MACROD2: variants seen among roughly 807,000 people sequenced by gnomAD.
The protein encoded by MACROD2 is ADP-ribose glycohydrolase MACROD2.
A neutral mutation model predicts 70.4 loss-of-function variants in MACROD2; 36 were observed. The ratio of observed to expected loss-of-function variants is 0.51; its 90% CI spans 0.39 to 0.68. The LOEUF is 0.68. MACROD2 is among the 30% of genes least tolerant of loss of function. MACROD2 has a pLI of 0.00. For synonymous variants in MACROD2, 172 were observed against 178.8 expected, an observed-to-expected ratio of 0.96 and a Z score of 0.30; for missense variants, 496 against 538.4, an observed-to-expected ratio of 0.92 and a Z score of 0.78.
chr20:14,999,847 G>A (rs2074979198), intron 5 of MACROD2, among the ~76,000 whole-genome samples: 1 of 152,142 alleles, frequency 6.6e-6, no homozygotes, highest in Admixed American at 6.6e-5. Flanking sequence ...CAATGCAAAG[G>A]CATGAACAAA....
chr20:15,942,395 T>G (rs1156604508), intron 12 of MACROD2, among the ~76,000 whole-genome samples: 1 of 152,204 alleles, frequency 6.6e-6, no homozygotes, highest in African/African-American at 2.4e-5. Flanking sequence ...CAACCAGGAT[T>G]GAATTGAAAT....
At chr20:14,228,431 G>A (rs1274614414) in intron 3 of MACROD2, among the ~76,000 whole-genome samples, 1 of 150,598 alleles carries the variant, frequency 6.6e-6, no homozygotes, top group Non-Finnish European at 1.5e-5. Context: ...TCCATCTCCC[G>A]GGTTCACGCC....
At chr20:14,170,808 T>A (rs191016383) in intron 3 of MACROD2, among the ~76,000 whole-genome samples, 9 of 152,302 alleles carry the variant, frequency 5.9e-5, no homozygotes, top group African/African-American at 2.2e-4. Context: ...TTAGTTTTCC[T>A]TTTTTTATTA....
At chr20:15,922,482 C>G (rs1159267974) in intron 10 of MACROD2, among the ~76,000 whole-genome samples, 1 of 152,188 alleles carries the variant, frequency 6.6e-6, no homozygotes, top group Non-Finnish European at 1.5e-5. Flanking sequence ...TAGCACATCT[C>G]AATGTGGACT....
chr20:15,087,549 A>G (rs753640434), intron 5 of MACROD2, among the ~76,000 whole-genome samples: 3 of 152,066 alleles, frequency 2.0e-5, no homozygotes, highest in Non-Finnish European at 2.9e-5. Flanking sequence ...GTCTTGCCTC[A>G]TATCAGAGAT....
intron 8 of MACROD2, among the ~76,000 whole-genome samples, chr20:15,823,319 T>TATGC (rs2063961517): frequency 6.6e-6 from 1 of 151,686 alleles, no homozygotes; most frequent in African/African-American, 2.4e-5. Flanking sequence ...TGTGTGTGTG[T>TATGC]GTCTATAGCT....
At chr20:14,864,388 C>T (rs759387927) in intron 5 of MACROD2, among the ~76,000 whole-genome samples, 2 of 151,980 alleles carry the variant, frequency 1.3e-5, no homozygotes, top group Non-Finnish European at 2.9e-5. Context: ...GTTACAAGTC[C>T]TATGATAGCT....
At chr20:15,188,647 TGA>T (rs1486846241) in intron 5 of MACROD2, among the ~76,000 whole-genome samples, 1 of 152,230 alleles carries the variant, frequency 6.6e-6, no homozygotes, top group Non-Finnish European at 1.5e-5. Context: ...TTTATTATTC[TGA>T]GAGACTCAGG....
intron 5 of MACROD2, among the ~76,000 whole-genome samples, chr20:15,087,204 C>G (rs2075755550): frequency 6.6e-6 from 1 of 151,898 alleles, no homozygotes; most frequent in Non-Finnish European, 1.5e-5. Context: ...ATTCAATTAA[C>G]AGAATTAAAT....
intron 5 of MACROD2, among the ~76,000 whole-genome samples, chr20:14,975,201 T>C (rs1195126335): frequency 2.0e-5 from 3 of 151,938 alleles, no homozygotes; most frequent in Non-Finnish European, 4.4e-5. Context: ...TCACCCTTAG[T>C]TGAGAACCAC....
chr20:15,378,248 C>T (rs6131668), intron 6 of MACROD2, among the ~76,000 whole-genome samples: 1 of 130,028 alleles, frequency 7.7e-6, no homozygotes, highest in African/African-American at 2.8e-5. Context: ...GAAAGGCTTT[C>T]TAACTATAAC....
intron 6 of MACROD2, among the ~76,000 whole-genome samples, chr20:15,232,786 A>G (rs1218471280): frequency 6.6e-6 from 1 of 152,112 alleles, no homozygotes; most frequent in African/African-American, 2.4e-5. Context: ...AATATTTGAT[A>G]GGCACCACTT....
chr20:14,567,686 A>G (rs1157854537), intron 4 of MACROD2, among the ~76,000 whole-genome samples: 1 of 152,058 alleles, frequency 6.6e-6, no homozygotes, highest in Non-Finnish European at 1.5e-5. Context: ...ACAATTTTTG[A>G]AAGCCTGTTT....
chr20:15,552,100 G>A (rs2048107464), intron 8 of MACROD2: 1 of 152,106 alleles, frequency 6.6e-6, no homozygotes, highest in Non-Finnish European at 1.5e-5. Context: ...AGTATATGGA[G>A]TAGGAACACA....
At chr20:14,478,458 T>G (rs960523579) in intron 3 of MACROD2, among the ~76,000 whole-genome samples, 2 of 152,242 alleles carry the variant, frequency 1.3e-5, no homozygotes, top group African/African-American at 4.8e-5. Flanking sequence ...TCTGGCTGCT[T>G]TCAAGCTTTT....
chr20:14,207,412 T>C (rs2081533772), intron 3 of MACROD2, among the ~76,000 whole-genome samples: 2 of 152,286 alleles, frequency 1.3e-5, no homozygotes, highest in Middle Eastern at 3.4e-3. Context: ...AAATGACACT[T>C]CTTGACTGAC....
At chr20:14,230,654 T>TATATAAAAAAAA in intron 3 of MACROD2, among the ~76,000 whole-genome samples, 1 of 74,240 alleles carries the variant, frequency 1.3e-5, no homozygotes, top group East Asian at 5.8e-4. Context: ...TATATATATA[T>TATATAAAAAAAA]AACACAGGCT....
intron 5 of MACROD2, among the ~76,000 whole-genome samples, chr20:14,978,849 T>TTATA (rs975670183): frequency 2.1e-5 from 3 of 145,408 alleles, no homozygotes; most frequent in Non-Finnish European, 4.5e-5. Flanking sequence ...GAGGGTATTA[T>TTATA]TATATATATA....
intron 9 of MACROD2, among the ~76,000 whole-genome samples, chr20:15,869,578 A>G (rs1443361551): frequency 6.6e-6 from 1 of 151,986 alleles, no homozygotes; most frequent in Non-Finnish European, 1.5e-5. Context: ...CTTAAAAATG[A>G]GCTTGCAAAA....
Sources: allele counts gnomAD v4.1 joint callset (sites outside exome capture counted in the v4.1 genomes callset), GRCh38; gene constraint gnomAD v4.1.1; transcripts MANE v1.5; gene names NCBI Gene and HGNC (gene_info 2026-07-23, HGNC 2026-07-21).